Variants in CPA6 observed in about 807,000 individuals in gnomAD.
CPA6 encodes the protein carboxypeptidase A6, also known as carboxypeptidase B.
Under a neutral mutation model 63.3 loss-of-function variants are expected in CPA6, and 58 were observed. The observed-to-expected ratio is 0.92, with a 90% CI of 0.74 to 1.14. The LOEUF is 1.14. Among genes scored for constraint, CPA6 ranks in the 50% most tolerant of loss-of-function variants. The probability of loss-of-function intolerance (pLI) is 0.00; values close to 1 mark genes in which losing one functional copy is unlikely to be tolerated. For missense variants in CPA6, 565 were observed against 526.6 expected (o/e 1.07, Z -0.71); for synonymous variants, 185 against 179.0 (o/e 1.03, Z -0.27).
intron 6 of CPA6, among the ~76,000 whole-genome samples, chr8:67,491,850 A>T (rs777678091): frequency 7.0e-6 from 1 of 142,120 alleles, no homozygotes; most frequent in Non-Finnish European, 1.5e-5. Flanking sequence ...ATCACTATAT[A>T]AATAAAAATG....
At chr8:67,580,191 C>G (rs571075200) in intron 2 of CPA6, among the ~76,000 whole-genome samples, 59 of 152,320 alleles carry the variant, frequency 3.9e-4, no homozygotes, top group South Asian at 2.7e-3. Flanking sequence ...CTACCCTCCC[C>G]CTTCTCTAAT....
intron 6 of CPA6, among the ~76,000 whole-genome samples, chr8:67,498,535 CA>C (rs397940852): frequency 0.027 from 893 of 33,130 alleles, 2 homozygotes; most frequent in South Asian, 0.068. Flanking sequence ...GACTCCATCT[CA>C]AAAAAAAAAA....
chr8:67,599,946 A>G (rs1467349724), intron 2 of CPA6, among the ~76,000 whole-genome samples: 1 of 152,186 alleles, frequency 6.6e-6, no homozygotes, highest in Non-Finnish European at 1.5e-5. Context: ...AACTGACTTC[A>G]GAAAGATGGT....
At chr8:67,511,104 A>G (rs985937020) in intron 4 of CPA6, among the ~76,000 whole-genome samples, 2 of 152,192 alleles carry the variant, frequency 1.3e-5, no homozygotes, top group Admixed American at 1.3e-4. Context: ...TCAAAGGTGC[A>G]GAGATGCCCC....
chr8:67,561,232 C>G (rs1260791343), intron 2 of CPA6, among the ~76,000 whole-genome samples: 1 of 152,132 alleles, frequency 6.6e-6, no homozygotes, highest in Non-Finnish European at 1.5e-5. Context: ...AGGAACTCCA[C>G]TAGGCATTGC....
chr8:67,617,835 G>A (rs1465008801), intron 2 of CPA6, among the ~76,000 whole-genome samples: 1 of 152,130 alleles, frequency 6.6e-6, no homozygotes, highest in East Asian at 1.9e-4. Context: ...TAGGACTGAG[G>A]CCCCCATTTT....
chr8:67,677,093 C>T (rs1313672205), intron 1 of CPA6, among the ~76,000 whole-genome samples: 1 of 152,190 alleles, frequency 6.6e-6, no homozygotes, highest in Middle Eastern at 3.2e-3. Flanking sequence ...TTAGTGCTGA[C>T]TCCTCCGTCA....
chr8:67,550,394 T>TA (rs1812914010), intron 2 of CPA6, among the ~76,000 whole-genome samples: 1 of 152,246 alleles, frequency 6.6e-6, no homozygotes, highest in South Asian at 2.1e-4. Context: ...TATGGTTGCA[T>TA]AGTATTCCAT....
intron 2 of CPA6, among the ~76,000 whole-genome samples, chr8:67,606,412 T>C (rs1311560752): frequency 6.6e-6 from 1 of 152,144 alleles, no homozygotes; most frequent in Non-Finnish European, 1.5e-5. Context: ...TTTTACTCAC[T>C]ATATATCTGC....
chr8:67,442,222 G>A (rs1002931034), intron 8 of CPA6, among the ~76,000 whole-genome samples: 4 of 152,122 alleles, frequency 2.6e-5, no homozygotes, highest in East Asian at 1.9e-4. Flanking sequence ...GCTATGTTAT[G>A]CATTGGGGAT....
intron 3 of CPA6, among the ~76,000 whole-genome samples, chr8:67,511,857 A>G (rs1587507417): frequency 6.6e-6 from 1 of 152,204 alleles, no homozygotes; most frequent in East Asian, 1.9e-4. Context: ...AACATGTAAA[A>G]TTATAGGCAG....
At chr8:67,630,299 G>C (rs1815294800) in intron 1 of CPA6, among the ~76,000 whole-genome samples, 1 of 152,116 alleles carries the variant, frequency 6.6e-6, no homozygotes, top group East Asian at 1.9e-4. Flanking sequence ...TGCTCACTCA[G>C]CCTGGGACCA....
intron 8 of CPA6, among the ~76,000 whole-genome samples, chr8:67,475,767 C>CTCT (rs1811162784): frequency 1.4e-5 from 1 of 71,604 alleles, no homozygotes; most frequent in African/African-American, 5.3e-5. Flanking sequence ...TTCTTTCTTT[C>CTCT]TCTTTCTTTC....
intron 2 of CPA6, among the ~76,000 whole-genome samples, chr8:67,568,793 C>T (rs1418653118): frequency 6.6e-6 from 1 of 152,110 alleles, no homozygotes; most frequent in Admixed American, 6.6e-5. Context: ...TCTTGTTGCC[C>T]AGTTTGGAGT....
intron 8 of CPA6, among the ~76,000 whole-genome samples, chr8:67,465,471 T>C (rs1449544121): frequency 6.6e-6 from 1 of 152,204 alleles, no homozygotes; most frequent in East Asian, 1.9e-4. Context: ...TCTTTTTCTA[T>C]TTGGATGCCT....
chr8:67,559,079 T>G (rs945492275), intron 2 of CPA6, among the ~76,000 whole-genome samples: 4 of 152,176 alleles, frequency 2.6e-5, no homozygotes, highest in African/African-American at 7.2e-5. Context: ...TATTACAGTG[T>G]CAGGGCACTA....
Position 67,576,254 on chromosome 8 carries a change from A to G in CPA6, c.192+47922T>C, listed in dbSNP as rs1813622833. On this transcript the variant is annotated intron_variant, in intron 2 of 10. Transcript: ENST00000297770. ...TTTATTAGCTTCACTTAACCATTCCATTGTATTAAAAAAATCCTAGCATAA... is the reference window on the plus strand; with the variant it reads ...TTTATTAGCTTCACTTAACCATTCCGTTGTATTAAAAAAATCCTAGCATAA... Among the ~76,000 whole-genome samples, 3 of 152,240 alleles carry G rather than the reference A, an allele frequency of 2.0e-5. No homozygotes were observed. In the South Asian group the frequency reaches 6.2e-4, roughly 31 times the overall value.
At chr8:67,488,643 C>T (rs79035223) in intron 6 of CPA6, among the ~76,000 whole-genome samples, 4,530 of 152,182 alleles carry the variant, frequency 0.03, 223 homozygotes, top group African/African-American at 0.1. Flanking sequence ...TTACTTTGGG[C>T]AGTATGGCCA....
intron 8 of CPA6, among the ~76,000 whole-genome samples, chr8:67,477,774 A>C (rs1230229698): frequency 6.6e-6 from 1 of 152,194 alleles, no homozygotes; most frequent in East Asian, 1.9e-4. Context: ...CACTCTTCTA[A>C]GGCAGTGCAT....
Sources: gnomAD v4.1 joint callset for allele counts (sites outside exome capture counted in the v4.1 genomes callset) on GRCh38, gnomAD v4.1.1 for gene constraint, MANE v1.5 for transcripts, NCBI Gene and HGNC (gene_info 2026-07-23, HGNC 2026-07-21) for gene names.